Variants in USH1C observed in about 807,000 individuals in gnomAD.
USH1C encodes harmonin.
Under a neutral mutation model 119.3 loss-of-function variants are expected in USH1C, and 90 were observed. The ratio of observed to expected loss-of-function variants is 0.75; its 90% CI spans 0.64 to 0.90. The LOEUF is 0.90. Among genes scored for constraint, USH1C ranks in the 40% least tolerant of loss-of-function variants. The pLI is 0.00. For synonymous variants in USH1C, 465 were observed against 443.3 expected, an observed-to-expected ratio of 1.05 and a Z score of -0.62; for missense variants, 1,165 against 1,167.7, an observed-to-expected ratio of 1.00 and a Z score of 0.03.
Position 17,498,180 on chromosome 11 carries a change from C to A in USH1C, c.2472G>T (p.Lys824Asn), listed in dbSNP as rs1351451670. 1.2e-6 allele frequency: 2 copies of A among 1,614,158 alleles called. No homozygotes were observed. Among genetic ancestry groups the A allele is most frequent in the Admixed American group, 3.3e-5 (2 of 60,030 alleles). ...TTCTTACCCCGCCCTGATTCCAGGC[C>A]TTCTGCAGGGCAGCCTCAGCCTCAG... ...TLAEAEAALQ[K>N]AWNQGGDWID... The change falls in exon 24 of 27, where the codon AAG becomes AAT. Residue 824 changes from lysine to asparagine, a missense_variant. Coordinates refer to ENST00000005226, the MANE Select transcript of USH1C (RefSeq NM_153676.4).
At position 17,531,351 on chromosome 11, in the gene USH1C, G is replaced by C; in HGVS notation, c.248+48C>G. ...TTGGCTGCCAGCACTGCCCCGCCCA[G>C]GGTGATCTCTCCACCCCCTGCCTCC... On this transcript the variant is annotated intron_variant, in intron 3 of 26. Coordinates refer to ENST00000005226, the MANE Select transcript of USH1C (RefSeq NM_153676.4). The surrounding 1 kb of genome is among the most constrained non-coding windows in gnomAD (Gnocchi z 4.2). The C allele has an allele frequency of 6.2e-7, 1 of 1,613,946 alleles. No homozygotes were observed. Among genetic ancestry groups the C allele is most frequent in the Non-Finnish European group, 8.5e-7 (1 of 1,179,920 alleles).
At chr11:17,537,047 A>C (rs1465469268) in intron 1 of USH1C, among the ~76,000 whole-genome samples, 1 of 152,228 alleles carries the variant, frequency 6.6e-6, no homozygotes, top group African/African-American at 2.4e-5. Flanking sequence ...ACACACACTC[A>C]CACCTCACTC....
At chr11:17,534,318 G>A (rs10766409) in intron 1 of USH1C, among the ~76,000 whole-genome samples, 64,748 of 152,126 alleles carry the variant, frequency 0.43, 13,838 homozygotes, top group East Asian at 0.51. Flanking sequence ...CTGGAAGACC[G>A]GGGCAGTCTG....
intron 15 of USH1C, among the ~76,000 whole-genome samples, chr11:17,513,824 G>T (rs905160566): frequency 1.0e-5 from 1 of 97,988 alleles, no homozygotes; most frequent in Admixed American, 1.1e-4. Flanking sequence ...CTTAAAAAAA[G>T]AAAGAAAGAA....
intron 14 of USH1C, among the ~76,000 whole-genome samples, chr11:17,517,189 A>C (rs1001724976): frequency 6.6e-6 from 1 of 152,164 alleles, no homozygotes; most frequent in Non-Finnish European, 1.5e-5. Context: ...ACCAGTGTGC[A>C]ACAGCTGATC....
chr11:17,505,739 C>A, intron 19 of USH1C, 91 bp downstream of exon 19: 1 of 1,583,750 alleles, frequency 6.3e-7, no homozygotes, highest in Non-Finnish European at 8.6e-7. Context: ...TTTGTCCCAC[C>A]TCACTTGCCC....
chr11:17,541,102 T>C lies in USH1C; in HGVS notation c.36+3170A>G, dbSNP rs553308805. Among the ~76,000 whole-genome samples, 4 of 152,290 alleles carry C rather than the reference T, an allele frequency of 2.6e-5. No homozygotes were observed. In the East Asian group the frequency reaches 7.8e-4, roughly 30 times the overall value. ...CTTCTACATGTATCTCTGTGGCTCC[T>C]TCTCCTCACTTCTTCTAGGTCTCTG... On this transcript the variant is annotated intron_variant, in intron 1 of 26. Transcript: ENST00000005226.
intron 5 of USH1C, 28 bp from the exon 6 acceptor site, chr11:17,527,068 A>G (rs1311151410): frequency 6.8e-7 from 1 of 1,467,238 alleles, no homozygotes. Flanking sequence ...AGGGGTTAGG[A>G]CAGCTCCCCC....
chr11:17,507,236 A>T (rs142655143), intron 18 of USH1C, among the ~76,000 whole-genome samples: 1 of 152,228 alleles, frequency 6.6e-6, no homozygotes, highest in Non-Finnish European at 1.5e-5. Context: ...GAGGTGGGCC[A>T]AATGAAGCCA....
intron 18 of USH1C, among the ~76,000 whole-genome samples, chr11:17,506,280 G>A (rs1003590906): frequency 2.0e-5 from 3 of 152,172 alleles, no homozygotes; most frequent in Non-Finnish European, 4.4e-5. Flanking sequence ...GCTATCCAGT[G>A]TCCCTTGTCT....
chr11:17,495,338 G>T (rs924370774), intron 26 of USH1C, among the ~76,000 whole-genome samples: 23 of 152,214 alleles, frequency 1.5e-4, no homozygotes, highest in African/African-American at 5.5e-4. Flanking sequence ...AGGACACCTG[G>T]GTCCCAAGCA....
intron 23 of USH1C, among the ~76,000 whole-genome samples, chr11:17,499,351 T>A (rs1051272988): frequency 1.3e-5 from 2 of 152,208 alleles, no homozygotes; most frequent in Non-Finnish European, 2.9e-5. Flanking sequence ...AGTGACTAGT[T>A]ATGTTCAAAG....
chr11:17,540,416 G>A lies in USH1C; in HGVS notation c.36+3856C>T, dbSNP rs566888218. On this transcript the variant is annotated intron_variant, in intron 1 of 26. Coordinates refer to ENST00000005226, the MANE Select transcript of USH1C (RefSeq NM_153676.4). ...CTCCTCCAAAAGTTGAGGTACCCCGGGCTCTGTCCTAGGTCTCCTCTCCAT... is the reference window on the plus strand; with the variant it reads ...CTCCTCCAAAAGTTGAGGTACCCCGAGCTCTGTCCTAGGTCTCCTCTCCAT... Among the ~76,000 whole-genome samples, 20 of 151,938 alleles carry A rather than the reference G, an allele frequency of 1.3e-4. No individual in the cohort carries two copies. The South Asian group carries it at 4.0e-3, about 30-fold the overall frequency.
intron 18 of USH1C, among the ~76,000 whole-genome samples, chr11:17,506,174 A>G (rs1787881661): frequency 6.6e-6 from 1 of 152,118 alleles, no homozygotes; most frequent in Admixed American, 6.5e-5. Flanking sequence ...GGCTCTAAGA[A>G]ATTGGACGCT....
At chr11:17,508,243 G>A (rs1216691166) in intron 18 of USH1C, among the ~76,000 whole-genome samples, 1 of 152,216 alleles carries the variant, frequency 6.6e-6, no homozygotes, top group Non-Finnish European at 1.5e-5. Context: ...TCCTGTCAAA[G>A]CTGCAGGGCT....
At chr11:17,500,986 T>G in intron 23 of USH1C, 65 bp downstream of exon 23, 1 of 1,427,412 alleles carries the variant, frequency 7.0e-7, no homozygotes, top group Non-Finnish European at 9.7e-7. Context: ...CTGTTTGCTT[T>G]CCGGGAGGGC....
At chr11:17,517,410 C>G in intron 14 of USH1C, 4 of 1,585,960 alleles carry the variant, frequency 2.5e-6, no homozygotes, top group Non-Finnish European at 3.4e-6. Flanking sequence ...CCTGCTCTCC[C>G]TGCTCCTCCG....
intron 17 of USH1C, 127 bp from the exon 18 acceptor site, chr11:17,509,965 A>AGG: frequency 8.4e-7 from 1 of 1,194,600 alleles, no homozygotes; most frequent in East Asian, 2.4e-5. Flanking sequence ...CTTACATCAG[A>AGG]ACCATGGGGC....
At chr11:17,498,918 C>T (rs1300851722) in intron 23 of USH1C, among the ~76,000 whole-genome samples, 1 of 152,184 alleles carries the variant, frequency 6.6e-6, no homozygotes, top group Non-Finnish European at 1.5e-5. Flanking sequence ...CATAATATCC[C>T]CAGCACTTAA....
Sources: allele counts gnomAD v4.1 joint callset (sites outside exome capture counted in the v4.1 genomes callset), GRCh38; gene constraint gnomAD v4.1.1; non-coding constraint Gnocchi (gnomAD v3.1); transcripts MANE v1.5; gene names NCBI Gene and HGNC (gene_info 2026-07-23, HGNC 2026-07-21).